Variants in ADGRB3 observed in about 807,000 individuals in gnomAD.
The protein encoded by ADGRB3 is adhesion G protein-coupled receptor B3.
ADGRB3 carries 37 observed loss-of-function variants against 193.4 expected under a neutral mutation model. The observed-to-expected ratio is 0.19, with a 90% CI of 0.15 to 0.25. The LOEUF (loss-of-function observed/expected upper bound fraction) is 0.25. Among genes scored for constraint, ADGRB3 ranks in the 10% least tolerant of loss-of-function variants. The pLI, the probability that ADGRB3 is intolerant of heterozygous loss-of-function variation, is 1.00. For synonymous variants in ADGRB3, 690 were observed against 644.2 expected, an observed-to-expected ratio of 1.07 and a Z score of -1.08; for missense variants, 1,637 against 1,852.9, an observed-to-expected ratio of 0.88 and a Z score of 2.14.
intron 3 of ADGRB3, among the ~76,000 whole-genome samples, chr6:68,649,882 T>C (rs149882423): frequency 6.6e-6 from 1 of 152,282 alleles, no homozygotes; most frequent in Non-Finnish European, 1.5e-5. Flanking sequence ...ACCTCCCTCT[T>C]TGATGCTCTG....
At chr6:68,663,768 C>T (rs950380000) in intron 3 of ADGRB3, among the ~76,000 whole-genome samples, 1 of 151,672 alleles carries the variant, frequency 6.6e-6, no homozygotes, top group East Asian at 1.9e-4. Context: ...TATGAAAAGC[C>T]GAAGAGAGCA....
intron 28 of ADGRB3, 149 bp from the exon 29 acceptor site, chr6:69,360,720 C>A (rs886206986): frequency 2.5e-6 from 2 of 798,458 alleles, no homozygotes; most frequent in Non-Finnish European, 1.9e-6. Flanking sequence ...GGACCATGTA[C>A]AAACAAATTG....
At chr6:68,795,877 T>C (rs543680183) in intron 3 of ADGRB3, among the ~76,000 whole-genome samples, 16 of 152,258 alleles carry the variant, frequency 1.1e-4, no homozygotes, top group Admixed American at 1.0e-3. Flanking sequence ...TTAAAATCTG[T>C]CTATGAGCTT....
intron 3 of ADGRB3, among the ~76,000 whole-genome samples, chr6:68,695,523 G>A (rs1765142479): frequency 6.6e-6 from 1 of 151,998 alleles, no homozygotes; most frequent in South Asian, 2.1e-4. Flanking sequence ...CTCATTCCAA[G>A]ATGGCGTCAG....
chr6:68,963,422 T>C (rs16900381), intron 8 of ADGRB3, among the ~76,000 whole-genome samples: 4,482 of 152,240 alleles, frequency 0.029, 85 homozygotes, highest in East Asian at 0.052. Flanking sequence ...ATGACTTGCT[T>C]TCTCAAAAAC....
At chr6:69,238,539 C>T (rs993896208) in intron 19 of ADGRB3, among the ~76,000 whole-genome samples, 1 of 151,928 alleles carries the variant, frequency 6.6e-6, no homozygotes, top group Non-Finnish European at 1.5e-5. Flanking sequence ...AATAAAGATT[C>T]ATTTTTTTGA....
chr6:69,108,575 T>G (rs1210313157), intron 17 of ADGRB3, among the ~76,000 whole-genome samples: 2 of 152,046 alleles, frequency 1.3e-5, no homozygotes, highest in African/African-American at 4.8e-5. Context: ...GTGTGTGTGA[T>G]GGCAAATTGT....
chr6:69,300,141 C>T (rs1376423987), intron 20 of ADGRB3, among the ~76,000 whole-genome samples: 31 of 151,740 alleles, frequency 2.0e-4, no homozygotes, highest in Non-Finnish European at 1.0e-4. Context: ...GAGATTCATT[C>T]CAGGGATACA....
intron 3 of ADGRB3, among the ~76,000 whole-genome samples, chr6:68,797,075 G>C (rs117578830): frequency 3.9e-4 from 60 of 152,270 alleles, no homozygotes; most frequent in Non-Finnish European, 7.8e-4. Context: ...AGCAGCAAAA[G>C]TAAGCCATGA....
intron 30 of ADGRB3, 100 bp downstream of exon 30, chr6:69,372,541 T>C (rs1315201650): frequency 8.2e-6 from 4 of 486,656 alleles, no homozygotes; most frequent in Non-Finnish European, 1.0e-5. Flanking sequence ...TGTAAGGGTA[T>C]TATGTACTAA....
intron 17 of ADGRB3, among the ~76,000 whole-genome samples, chr6:69,135,650 T>C (rs1371401605): frequency 6.6e-6 from 1 of 152,090 alleles, no homozygotes; most frequent in East Asian, 1.9e-4. Flanking sequence ...GAATTTGCAG[T>C]TTCCTGCATC....
At chr6:68,863,380 T>C (rs1765207794) in intron 3 of ADGRB3, among the ~76,000 whole-genome samples, 1 of 152,044 alleles carries the variant, frequency 6.6e-6, no homozygotes, top group Admixed American at 6.6e-5. Flanking sequence ...AAGTTTAAGT[T>C]AATTGACAAT....
chr6:69,216,184 T>C (rs778745256), intron 17 of ADGRB3, among the ~76,000 whole-genome samples: 1 of 152,160 alleles, frequency 6.6e-6, no homozygotes, highest in African/African-American at 2.4e-5. Flanking sequence ...GTTAAGTGGA[T>C]GGATGGATGA....
At chr6:69,201,806 A>G (rs1381682207) in intron 17 of ADGRB3, among the ~76,000 whole-genome samples, 2 of 152,024 alleles carry the variant, frequency 1.3e-5, no homozygotes, top group Non-Finnish European at 2.9e-5. Context: ...GGACTATTTC[A>G]ACTACCTCCA....
chr6:69,067,469 A>C (rs3799024), intron 16 of ADGRB3, among the ~76,000 whole-genome samples: 44,381 of 152,040 alleles, frequency 0.29, 8,514 homozygotes, highest in East Asian at 0.89. Flanking sequence ...TTAGATAAGC[A>C]TGAGAAACAA....
At chr6:68,746,054 C>T (rs1766077400) in intron 3 of ADGRB3, among the ~76,000 whole-genome samples, 1 of 152,066 alleles carries the variant, frequency 6.6e-6, no homozygotes, top group Non-Finnish European at 1.5e-5. Context: ...GAGTAGAATT[C>T]TGCATCACAG....
intron 3 of ADGRB3, among the ~76,000 whole-genome samples, chr6:68,846,174 G>A (rs1349053674): frequency 1.3e-5 from 2 of 152,138 alleles, no homozygotes; most frequent in Non-Finnish European, 2.9e-5. Context: ...ATGATTTAGG[G>A]TATCCAGTGG....
chr6:69,183,704 T>G (rs1183145275), intron 17 of ADGRB3, among the ~76,000 whole-genome samples: 1 of 152,106 alleles, frequency 6.6e-6, no homozygotes, highest in Non-Finnish European at 1.5e-5. Flanking sequence ...AACCTTAAAT[T>G]ACAAATTACA....
chr6:69,265,630 C>T (rs1421381746), intron 20 of ADGRB3, among the ~76,000 whole-genome samples: 1 of 152,030 alleles, frequency 6.6e-6, no homozygotes, highest in Non-Finnish European at 1.5e-5. Flanking sequence ...TTTGGTCCAA[C>T]TTTGTAAAAA....
Sources: allele counts gnomAD v4.1 joint callset (sites outside exome capture counted in the v4.1 genomes callset), GRCh38; gene constraint gnomAD v4.1.1; transcripts MANE v1.5; gene names NCBI Gene and HGNC (gene_info 2026-07-23, HGNC 2026-07-21).